The following OXSR1 variants were observed in gnomAD, a reference collection of about 807,000 sequenced individuals.
OXSR1 encodes oxidative stress responsive kinase 1.
Under a neutral mutation model 79.8 loss-of-function variants are expected in OXSR1, and 24 were observed. The observed-to-expected ratio is 0.30, with a 90% CI of 0.22 to 0.42. The LOEUF is 0.42. OXSR1 is among the 10% of genes least tolerant of loss of function. OXSR1 has a pLI of 1.00. For missense variants in OXSR1, 430 were observed against 618.4 expected (o/e 0.70, Z 3.23); for synonymous variants, 226 against 209.2 (o/e 1.08, Z -0.69).
chr3:38,244,670 T>TGTGTGCGC (rs1491372358), intron 12 of OXSR1, among the ~76,000 whole-genome samples: 7 of 149,626 alleles, frequency 4.7e-5, no homozygotes, highest in African/African-American at 1.7e-4. Context: ...TGTGTGTGCG[T>TGTGTGCGC]GCGCATGTAC....
chr3:38,170,108 G>A (rs1272489735), intron 1 of OXSR1, among the ~76,000 whole-genome samples: 1 of 151,984 alleles, frequency 6.6e-6, no homozygotes, highest in East Asian at 1.9e-4. Flanking sequence ...GCAGTGGCAT[G>A]ATCTTGGCTC....
chr3:38,218,560 C>T (rs577813353), intron 5 of OXSR1, among the ~76,000 whole-genome samples: 7 of 152,036 alleles, frequency 4.6e-5, no homozygotes, highest in Middle Eastern at 3.4e-3. Context: ...GAGTTCTTTA[C>T]ATATTTTGGA....
intron 1 of OXSR1, among the ~76,000 whole-genome samples, chr3:38,172,759 A>G (rs1322375205): frequency 6.6e-6 from 1 of 152,274 alleles, no homozygotes; most frequent in African/African-American, 2.4e-5. Flanking sequence ...CATTGGGCCA[A>G]CAACCTCATA....
chr3:38,218,165 T>C (rs183988503), intron 5 of OXSR1, among the ~76,000 whole-genome samples: 6 of 152,166 alleles, frequency 3.9e-5, no homozygotes, highest in Admixed American at 3.9e-4. Flanking sequence ...AGTTATTCTG[T>C]GTTTAAGTTT....
chr3:38,204,485 A>T (rs953528192), intron 4 of OXSR1, among the ~76,000 whole-genome samples: 1 of 151,992 alleles, frequency 6.6e-6, no homozygotes, highest in African/African-American at 2.4e-5. Flanking sequence ...CCTAAGGTCC[A>T]CAGCAAGTAC....
chr3:38,209,397 T>G (rs1702339314), intron 4 of OXSR1, among the ~76,000 whole-genome samples: 1 of 151,874 alleles, frequency 6.6e-6, no homozygotes. Context: ...TTTTTTTTAT[T>G]TTTATAGAGA....
intron 3 of OXSR1, among the ~76,000 whole-genome samples, chr3:38,193,610 C>G (rs1004999785): frequency 6.7e-6 from 1 of 149,000 alleles, no homozygotes; most frequent in Non-Finnish European, 1.5e-5. Flanking sequence ...CTAAGCAGAA[C>G]GACTTTTTTT....
At chr3:38,246,014 T>G in intron 12 of OXSR1, 61 bp from the exon 13 acceptor site, 1 of 1,517,080 alleles carries the variant, frequency 6.6e-7, no homozygotes, top group Non-Finnish European at 9.1e-7. Flanking sequence ...GAACTTGCTG[T>G]CAGCAGACCT....
intron 15 of OXSR1, 35 bp from the exon 16 acceptor site, chr3:38,251,368 C>CA (rs1309171722): frequency 3.2e-6 from 5 of 1,586,146 alleles, no homozygotes; most frequent in East Asian, 2.2e-5. Flanking sequence ...CAAGCACGCA[C>CA]AAAAAACAGA....
At chr3:38,221,777 C>T in intron 6 of OXSR1, 90 bp downstream of exon 6, 1 of 712,532 alleles carries the variant, frequency 1.4e-6, no homozygotes, top group Non-Finnish European at 2.4e-6. Context: ...TTTGGCATAC[C>T]AGGTTAGCTT....
At chr3:38,197,123 A>G (rs1239605114) in intron 3 of OXSR1, among the ~76,000 whole-genome samples, 2 of 152,212 alleles carry the variant, frequency 1.3e-5, no homozygotes, top group East Asian at 1.9e-4. Context: ...AAGCAGAACA[A>G]ACTTCTTCCT....
intron 4 of OXSR1, among the ~76,000 whole-genome samples, chr3:38,213,275 C>G (rs1367070160): frequency 2.0e-5 from 3 of 152,016 alleles, no homozygotes; most frequent in Non-Finnish European, 4.4e-5. Context: ...AAAATGGCAC[C>G]TTACTTTTAT....
chr3:38,238,157 A>T (rs573590573), intron 11 of OXSR1, among the ~76,000 whole-genome samples: 2 of 152,242 alleles, frequency 1.3e-5, no homozygotes, highest in South Asian at 4.2e-4. Context: ...AAACTTATAT[A>T]CTTTGGCCAC....
intron 12 of OXSR1, among the ~76,000 whole-genome samples, chr3:38,245,477 T>A (rs9862717): frequency 0.011 from 1,616 of 152,310 alleles, 30 homozygotes; most frequent in African/African-American, 0.037. Context: ...TTGTAAGAAA[T>A]ACAAAGTCCT....
At chr3:38,213,839 G>A (rs1224327962) in intron 4 of OXSR1, among the ~76,000 whole-genome samples, 1 of 152,150 alleles carries the variant, frequency 6.6e-6, no homozygotes, top group Non-Finnish European at 1.5e-5. Flanking sequence ...TAAGCATAAT[G>A]TATGTCTCTG....
At position 38,242,744 on chromosome 3, in the gene OXSR1, C is replaced by A; in HGVS notation, c.1076C>A (p.Ser359Tyr). Residue 359 changes from serine (S) to tyrosine (Y), a missense_variant and splice_region_variant, in exon 12 of 18, where the codon TCT (serine) becomes TAT (tyrosine). Transcript: ENST00000311806. ...TCATCCTTTTTGTATTTCGTTTAGT[C>A]TCCCCGAGTGAAAGAATCAATATCA... ...EGKAAISQLR[S>Y]PRVKESISNS... 2 of 1,558,480 alleles carry A rather than the reference C, an allele frequency of 1.3e-6. No homozygotes were observed. The highest frequency in any genetic ancestry group is 1.8e-6 in the Non-Finnish European group (2 of 1,141,496).
intron 4 of OXSR1, among the ~76,000 whole-genome samples, chr3:38,206,316 A>C (rs1471852873): frequency 6.6e-6 from 1 of 152,188 alleles, no homozygotes; most frequent in South Asian, 2.1e-4. Context: ...TAACAATGAC[A>C]TTATGTCAAG....
rs35192831 is a variant in OXSR1 at position 38,244,015 on chromosome 3, C to T, written c.1110+1237C>T. Among the ~76,000 whole-genome samples the T allele has an allele frequency of 3.6e-3, 542 of 152,278 alleles. 2 individuals carry two copies. The highest frequency in any genetic ancestry group is 0.012 in the African/African-American group (517 of 41,556). On this transcript the variant is annotated intron_variant, in intron 12 of 17. Transcript: ENST00000311806. ...GGATGATACCGAGCTTGTTAGCCCC[C>T]GCTGGCGAGAGATAGACTTGAAGTG...
chr3:38,231,628 G>A (rs546891338), intron 10 of OXSR1, among the ~76,000 whole-genome samples: 13 of 151,938 alleles, frequency 8.6e-5, no homozygotes, highest in African/African-American at 3.1e-4. Flanking sequence ...ATGAGAACAG[G>A]GACTTTTTTT....
Sources: gnomAD v4.1 joint callset for allele counts (sites outside exome capture counted in the v4.1 genomes callset) on GRCh38, gnomAD v4.1.1 for gene constraint, MANE v1.5 for transcripts, NCBI Gene and HGNC (gene_info 2026-07-23, HGNC 2026-07-21) for gene names.